The following PXDNL variants were observed in gnomAD, a reference collection of about 807,000 sequenced individuals.
The protein encoded by PXDNL is peroxidasin like, also known as probable oxidoreductase PXDNL.
In PXDNL, 145 loss-of-function variants were observed where a neutral mutation model predicts 150.8. That is an observed-to-expected ratio of 0.96 (90% CI 0.84 to 1.10). The LOEUF (loss-of-function observed/expected upper bound fraction) is 1.10, where lower values mean the gene tolerates loss of function less well. Among genes scored for constraint, PXDNL ranks in the 50% least tolerant of loss-of-function variants. The pLI is 0.00. For synonymous variants in PXDNL, 757 were observed against 725.7 expected (o/e 1.04, Z -0.69); for missense variants, 2,087 against 1,873.9 (o/e 1.11, Z -2.10).
intron 3 of PXDNL, among the ~76,000 whole-genome samples, chr8:51,568,772 G>A (rs1221786672): frequency 2.0e-5 from 3 of 151,596 alleles, no homozygotes; most frequent in Non-Finnish European, 4.4e-5. Flanking sequence ...CCTTTCTTGA[G>A]TATTGTGTTT....
chr8:51,516,811 G>T (rs1286603892), intron 4 of PXDNL, among the ~76,000 whole-genome samples: 3 of 152,120 alleles, frequency 2.0e-5, no homozygotes, highest in African/African-American at 7.2e-5. Context: ...TATAAATTAT[G>T]CATTTAATAG....
chr8:51,439,798 C>T (rs2392901), intron 12 of PXDNL, among the ~76,000 whole-genome samples: 1 of 132,652 alleles, frequency 7.5e-6, no homozygotes, highest in East Asian at 2.2e-4. Flanking sequence ...GCACTCCAGC[C>T]TAGGTGACAA....
chr8:51,548,606 G>C (rs1476692144), intron 4 of PXDNL, among the ~76,000 whole-genome samples: 2 of 152,104 alleles, frequency 1.3e-5, no homozygotes, highest in East Asian at 3.8e-4. Context: ...AAATGAAGGA[G>C]AGATAAAGTA....
In PXDNL at chr8:51,809,153, G is replaced by A. The variant is rs374908085; in HGVS notation, c.164+28C>T. On this transcript the variant is annotated intron_variant, in intron 1 of 22. Transcript: ENST00000356297. Reference sequence around the variant, plus strand: ...GAAGCAATGAAGCATTGGGGAAGAGGGTTTCTGGGGAATTTATGTGAACTT... The same window carrying A: ...GAAGCAATGAAGCATTGGGGAAGAGAGTTTCTGGGGAATTTATGTGAACTT... The A allele has an allele frequency of 5.6e-6, 9 of 1,612,150 alleles. 1 individual carries two copies. In the African/African-American group the frequency reaches 8.0e-5, roughly 14 times the overall value.
At chr8:51,686,092 C>T (rs1815865936) in intron 1 of PXDNL, among the ~76,000 whole-genome samples, 1 of 152,190 alleles carries the variant, frequency 6.6e-6, no homozygotes, top group South Asian at 2.1e-4. Context: ...CTCATTCTTT[C>T]TAATGAGCCA....
intron 1 of PXDNL, among the ~76,000 whole-genome samples, chr8:51,786,314 T>C (rs547599308): frequency 4.6e-4 from 70 of 152,236 alleles, no homozygotes; most frequent in African/African-American, 1.6e-3. Context: ...GCTCCAGCGA[T>C]TCTCCTGCCT....
chr8:51,335,454 T>C (rs781536414), intron 21 of PXDNL, among the ~76,000 whole-genome samples: 4 of 152,168 alleles, frequency 2.6e-5, no homozygotes, highest in Non-Finnish European at 4.4e-5. Flanking sequence ...AGATGTGCTA[T>C]GGCTTCCTGG....
At position 51,408,573 on chromosome 8, in the gene PXDNL, C is replaced by G; in HGVS notation, c.3051G>C (p.Trp1017Cys). 1 of 1,612,714 alleles carries G rather than the reference C, an allele frequency of 6.2e-7. No individual in the cohort carries two copies. The highest frequency in any genetic ancestry group is 8.5e-7 in the Non-Finnish European group (1 of 1,179,434). The change falls in exon 17 of 23, where the codon TGG becomes TGC. Residue 1017 changes from tryptophan to cysteine, a missense_variant. Trp to Cys is a radical substitution (Grantham distance 215). Transcript: ENST00000356297. ...AELQHITYSH[W>C]LPKVLGDPGT... ...CAGGGTCCCCCAGGACCTTAGGCAG[C>G]CAGTGGCTGTAGGTGATGTGCTGCA...
chr8:51,360,098 A>G (rs1286889160), intron 19 of PXDNL, among the ~76,000 whole-genome samples: 2 of 151,550 alleles, frequency 1.3e-5, no homozygotes, highest in Non-Finnish European at 1.5e-5. Flanking sequence ...ACCTATATAT[A>G]TGCACACACC....
chr8:51,566,147 G>A (rs541112921), intron 3 of PXDNL, among the ~76,000 whole-genome samples: 1 of 151,794 alleles, frequency 6.6e-6, no homozygotes, highest in African/African-American at 2.4e-5. Context: ...GTATACCTGG[G>A]ATAGTATAAT....
At chr8:51,343,832 A>T (rs1333090920) in intron 20 of PXDNL, among the ~76,000 whole-genome samples, 4 of 152,206 alleles carry the variant, frequency 2.6e-5, no homozygotes, top group Non-Finnish European at 1.5e-5. Flanking sequence ...GGAAAAACAG[A>T]TGAAATGCCA....
intron 4 of PXDNL, among the ~76,000 whole-genome samples, chr8:51,545,595 C>T (rs1285860989): frequency 6.6e-6 from 1 of 152,132 alleles, no homozygotes; most frequent in Non-Finnish European, 1.5e-5. Context: ...CCATGTCATC[C>T]CATGGCAGAA....
chr8:51,392,626 A>C (rs995764180), intron 17 of PXDNL, among the ~76,000 whole-genome samples: 1 of 152,236 alleles, frequency 6.6e-6, no homozygotes, highest in Non-Finnish European at 1.5e-5. Flanking sequence ...TTATCAGCTT[A>C]AGGATATTTT....
intron 17 of PXDNL, among the ~76,000 whole-genome samples, chr8:51,392,404 T>C (rs1385855285): frequency 6.6e-6 from 1 of 152,196 alleles, no homozygotes. Flanking sequence ...TTGTATCCTC[T>C]TTTATTTCAT....
At chr8:51,391,320 G>C (rs1399678188) in intron 17 of PXDNL, among the ~76,000 whole-genome samples, 3 of 152,086 alleles carry the variant, frequency 2.0e-5, no homozygotes, top group African/African-American at 7.2e-5. Flanking sequence ...TTGCCACACT[G>C]ACTTCCACAA....
chr8:51,738,593 A>T (rs1163652964), intron 1 of PXDNL, among the ~76,000 whole-genome samples: 2 of 151,990 alleles, frequency 1.3e-5, no homozygotes, highest in Non-Finnish European at 1.5e-5. Flanking sequence ...CTCTATGGGA[A>T]TACTACAAAC....
chr8:51,367,888 G>C (rs1322929881), intron 19 of PXDNL, among the ~76,000 whole-genome samples: 1 of 152,200 alleles, frequency 6.6e-6, no homozygotes, highest in East Asian at 1.9e-4. Flanking sequence ...AGCATTCTGG[G>C]AGGCCGAGAC....
chr8:51,433,851 A>T (rs1388202081), intron 12 of PXDNL, among the ~76,000 whole-genome samples: 2 of 152,172 alleles, frequency 1.3e-5, no homozygotes, highest in Non-Finnish European at 2.9e-5. Context: ...TTTTTCCAAC[A>T]TATATTCCAT....
chr8:51,446,433 C>T (rs910111230), intron 12 of PXDNL, among the ~76,000 whole-genome samples: 22 of 152,164 alleles, frequency 1.4e-4, no homozygotes, highest in African/African-American at 5.1e-4. Flanking sequence ...TTAATAACAA[C>T]CATTTTTCAT....
Sources: allele counts gnomAD v4.1 joint callset (sites outside exome capture counted in the v4.1 genomes callset), GRCh38; gene constraint gnomAD v4.1.1; transcripts MANE v1.5; gene names NCBI Gene and HGNC (gene_info 2026-07-23, HGNC 2026-07-21).